Variants in PTPRT observed in about 807,000 individuals in gnomAD.
The protein encoded by PTPRT is protein tyrosine phosphatase receptor type T, also known as receptor-type tyrosine-protein phosphatase T.
In PTPRT, 56 loss-of-function variants were observed where a neutral mutation model predicts 176.8. That is an observed-to-expected ratio of 0.32 (90% CI 0.26 to 0.40). PTPRT has a LOEUF of 0.40. Ranked by LOEUF, PTPRT falls within the 10% of genes least tolerant of loss-of-function variation. PTPRT has a pLI of 1.00. For synonymous variants in PTPRT, 783 were observed against 739.0 expected, an observed-to-expected ratio of 1.06 and a Z score of -0.96; for missense variants, 1,540 against 1,908.2, an observed-to-expected ratio of 0.81 and a Z score of 3.60.
chr20:42,447,459 A>G (rs1009615642), intron 9 of PTPRT, among the ~76,000 whole-genome samples: 5 of 152,082 alleles, frequency 3.3e-5, no homozygotes, highest in Non-Finnish European at 7.4e-5. Flanking sequence ...CACTTGATCT[A>G]GTATTGTAAT....
chr20:42,158,912 G>C (rs918938200), intron 17 of PTPRT, among the ~76,000 whole-genome samples: 1 of 152,158 alleles, frequency 6.6e-6, no homozygotes, highest in Non-Finnish European at 1.5e-5. Context: ...ATGCTAGAAA[G>C]TTTGGAAAAT....
At chr20:42,644,177 G>A (rs1285769829) in intron 7 of PTPRT, among the ~76,000 whole-genome samples, 3 of 152,084 alleles carry the variant, frequency 2.0e-5, no homozygotes, top group African/African-American at 7.2e-5. Context: ...TTACAGCCCT[G>A]TTCTCATCCA....
intron 1 of PTPRT, among the ~76,000 whole-genome samples, chr20:43,019,102 C>G (rs188529619): frequency 6.6e-6 from 1 of 152,202 alleles, no homozygotes. Context: ...TATACTATAT[C>G]TAGGTAATAG....
intron 1 of PTPRT, among the ~76,000 whole-genome samples, chr20:43,120,680 C>T (rs1450084230): frequency 2.6e-5 from 4 of 152,108 alleles, no homozygotes; most frequent in Non-Finnish European, 5.9e-5. Flanking sequence ...TCCATAGATC[C>T]TTGTTTCATT....
rs1437849327 is a variant in PTPRT at position 42,756,628 on chromosome 20, A to T, written c.693T>A (p.Asn231Lys). Residue 231 changes from asparagine (N) to lysine (K), a missense_variant, in exon 6 of 31, where the codon AAT (asparagine) becomes AAA (lysine). By Grantham distance (94) the Asn-to-Lys change is moderately conservative (BLOSUM62 0). Transcript: ENST00000373187. ...TGACCATCAGGGCCGTGTCCCTGCC[A>T]TTCCATTGCTGCAGAACAGAGGAAG... Reference protein sequence around the residue: ...QHDKLWLQQWNGRDTALMVTR... With the variant: ...QHDKLWLQQWKGRDTALMVTR... 6.3e-7 allele frequency: 1 copy of T among 1,588,580 alleles called. No homozygotes were observed. The highest frequency in any genetic ancestry group is 1.7e-5 in the Admixed American group (1 of 57,570).
At chr20:42,106,958 T>C (rs369734317) in intron 23 of PTPRT, 37 bp from the exon 24 acceptor site, 9 of 1,604,230 alleles carry the variant, frequency 5.6e-6, no homozygotes, top group South Asian at 5.6e-5. Context: ...AGGATCTTCA[T>C]GGGGGGAACC....
At chr20:42,940,434 C>G (rs1269839991) in intron 1 of PTPRT, among the ~76,000 whole-genome samples, 2 of 152,132 alleles carry the variant, frequency 1.3e-5, no homozygotes, top group African/African-American at 4.8e-5. Context: ...GAGATAAAAA[C>G]TGATGGGCTA....
In PTPRT at chr20:43,180,507, G is replaced by A. The variant is rs144807681; in HGVS notation, c.88+9139C>T. ...AAACAGAGTTTCACTCTTGTCTCCC[G>A]GGCAGGAGTGCAATGGCATAGCCTC... On this transcript the variant is annotated intron_variant, in intron 1 of 30. Transcript: ENST00000373187. Among the ~76,000 whole-genome samples, 422 of 150,664 alleles carry A rather than the reference G, an allele frequency of 2.8e-3. 4 individuals carry two copies. Among genetic ancestry groups the A allele is most frequent in the East Asian group, 6.7e-3 (34 of 5,076 alleles).
chr20:42,048,007 C>T, the PTPRT span, among the ~76,000 whole-genome samples: 5 of 152,154 alleles, frequency 3.3e-5, no homozygotes, highest in African/African-American at 9.6e-5. Flanking sequence ...CCTGACTTGG[C>T]GCTGGAGAGG....
downstream of PTPRT, among the ~76,000 whole-genome samples, chr20:42,068,443 A>G (rs1222398250): frequency 1.3e-5 from 2 of 152,150 alleles, no homozygotes; most frequent in Non-Finnish European, 2.9e-5. Context: ...GGGTGCTTCA[A>G]ATGGATTTGA....
At chr20:42,733,171 G>C (rs919052139) in intron 6 of PTPRT, among the ~76,000 whole-genome samples, 2 of 152,186 alleles carry the variant, frequency 1.3e-5, no homozygotes, top group African/African-American at 2.4e-5. Context: ...CTGCCCTGCA[G>C]ATGACGTGTA....
At chr20:42,234,044 G>C (rs2056189244) in intron 15 of PTPRT, among the ~76,000 whole-genome samples, 1 of 152,142 alleles carries the variant, frequency 6.6e-6, no homozygotes, top group Non-Finnish European at 1.5e-5. Context: ...TAGAGGGATG[G>C]GGGTTAGATG....
At chr20:42,237,882 T>A (rs2056276222) in intron 14 of PTPRT, among the ~76,000 whole-genome samples, 1 of 152,242 alleles carries the variant, frequency 6.6e-6, no homozygotes, top group Admixed American at 6.5e-5. Context: ...AATGGTTTCC[T>A]TTTTTCTTGA....
chr20:43,015,134 T>C (rs919728660), intron 1 of PTPRT, among the ~76,000 whole-genome samples: 1 of 152,232 alleles, frequency 6.6e-6, no homozygotes, highest in Non-Finnish European at 1.5e-5. Flanking sequence ...AAGAGACATG[T>C]TCTTTTAACT....
At chr20:43,017,997 C>T (rs1229794031) in intron 1 of PTPRT, among the ~76,000 whole-genome samples, 1 of 152,188 alleles carries the variant, frequency 6.6e-6, no homozygotes, top group Non-Finnish European at 1.5e-5. Flanking sequence ...ATCTGCCTAA[C>T]GTGCCTGGAT....
Position 42,247,085 on chromosome 20 carries a change from C to G in PTPRT, c.2312+1602G>C, listed in dbSNP as rs140139118. ...CTTAACCCTTTGAGGGCTATTCACC[C>G]CCAATATTAACATAATACCTTCTGT... On this transcript the variant is annotated intron_variant, in intron 14 of 30. Coordinates refer to ENST00000373187, the MANE Select transcript of PTPRT (RefSeq NM_007050.6). 1.6e-3 allele frequency among the ~76,000 whole-genome samples: 241 copies of G among 152,300 alleles called. 2 individuals carry two copies. In the Middle Eastern group the frequency reaches 0.034, roughly 21 times the overall value.
chr20:42,634,134 T>TA (rs1331640425), intron 7 of PTPRT, among the ~76,000 whole-genome samples: 1 of 98,508 alleles, frequency 1.0e-5, no homozygotes, highest in African/African-American at 3.9e-5. Context: ...ATATATATAA[T>TA]TATATATAAT....
intron 6 of PTPRT, among the ~76,000 whole-genome samples, chr20:42,727,241 C>T (rs541505366): frequency 6.6e-6 from 1 of 152,230 alleles, no homozygotes; most frequent in African/African-American, 2.4e-5. Context: ...AGGGTATGTC[C>T]CAAATTTGAT....
chr20:42,245,601 T>C (rs780565282), intron 14 of PTPRT, among the ~76,000 whole-genome samples: 1 of 152,310 alleles, frequency 6.6e-6, no homozygotes, highest in South Asian at 2.1e-4. Flanking sequence ...ATTTAGCTTT[T>C]TTCATTAAAC....
Sources: gnomAD v4.1 joint callset for allele counts (sites outside exome capture counted in the v4.1 genomes callset) on GRCh38, gnomAD v4.1.1 for gene constraint, MANE v1.5 for transcripts, NCBI Gene and HGNC (gene_info 2026-07-23, HGNC 2026-07-21) for gene names.